Variants in NIPAL2 observed in about 807,000 individuals in gnomAD.
NIPAL2 encodes the protein NIPA-like protein 2.
A neutral mutation model predicts 48.9 loss-of-function variants in NIPAL2; 43 were observed. The observed-to-expected ratio is 0.88, with a 90% CI of 0.69 to 1.13. NIPAL2 has a LOEUF of 1.13. Among genes scored for constraint, NIPAL2 ranks in the 50% most tolerant of loss-of-function variants. The probability of loss-of-function intolerance (pLI) is 0.00; values close to 1 mark genes in which losing one functional copy is unlikely to be tolerated. For missense variants in NIPAL2, 446 were observed against 461.4 expected (o/e 0.97, Z 0.31); for synonymous variants, 167 against 174.6 (o/e 0.96, Z 0.34).
At chr8:98,221,390 A>C (rs1292071429) in intron 5 of NIPAL2, among the ~76,000 whole-genome samples, 1 of 151,494 alleles carries the variant, frequency 6.6e-6, no homozygotes, top group Admixed American at 6.6e-5. Flanking sequence ...AAATCACTTT[A>C]ATCTTTTTCA....
chr8:98,215,064 T>A (rs999369159), intron 5 of NIPAL2, among the ~76,000 whole-genome samples: 8 of 152,236 alleles, frequency 5.3e-5, no homozygotes, highest in Admixed American at 6.5e-5. Context: ...TTTGGGCCGC[T>A]GTATTTGTTG....
intron 1 of NIPAL2, among the ~76,000 whole-genome samples, chr8:98,292,618 C>T (rs538955741): frequency 6.6e-6 from 1 of 152,202 alleles, no homozygotes; most frequent in Non-Finnish European, 1.5e-5. Flanking sequence ...ATCAGACAGC[C>T]AAGACAATCA....
chr8:98,212,089 A>G (rs781509552), intron 6 of NIPAL2, among the ~76,000 whole-genome samples: 28 of 152,214 alleles, frequency 1.8e-4, no homozygotes, highest in Non-Finnish European at 3.8e-4. Flanking sequence ...TTTAATTGGG[A>G]TCATTAATTT....
chr8:98,288,649 T>C (rs1446484656), intron 1 of NIPAL2, among the ~76,000 whole-genome samples: 2 of 151,036 alleles, frequency 1.3e-5, no homozygotes, highest in Non-Finnish European at 3.0e-5. Context: ...TAGTTTACAG[T>C]CCCACCAACA....
chr8:98,194,229 G>C (rs1335667147), intron 10 of NIPAL2, among the ~76,000 whole-genome samples: 2 of 152,200 alleles, frequency 1.3e-5, no homozygotes, highest in African/African-American at 4.8e-5. Context: ...GTGAGAGTGA[G>C]AACGGGAAAG....
intron 1 of NIPAL2, among the ~76,000 whole-genome samples, chr8:98,280,942 G>C (rs1181489231): frequency 1.3e-5 from 2 of 151,400 alleles, no homozygotes; most frequent in East Asian, 1.9e-4. Context: ...TCCTTTGCAG[G>C]CTCAGTGAAA....
intron 6 of NIPAL2, among the ~76,000 whole-genome samples, chr8:98,211,896 C>G (rs531070186): frequency 6.6e-6 from 1 of 152,078 alleles, no homozygotes; most frequent in South Asian, 2.1e-4. Flanking sequence ...CACTCATTTT[C>G]AACTCTAACA....
intron 5 of NIPAL2, among the ~76,000 whole-genome samples, chr8:98,214,416 G>A (rs1355855295): frequency 1.3e-5 from 2 of 151,992 alleles, no homozygotes; most frequent in South Asian, 2.1e-4. Context: ...CACCTGCCTC[G>A]GCCTCCCAAA....
rs571705084 is a variant in NIPAL2 at position 98,221,875 on chromosome 8, G to C, written c.558+604C>G. ...TTCAACCGTTGTGGAAGACAGTGTG[G>C]CGATTCCTCAAGGATCTAGAACTAG... On this transcript the variant is annotated intron_variant, in intron 5 of 10. Coordinates refer to ENST00000430223, the MANE Select transcript of NIPAL2 (RefSeq NM_001321635.2). Among the ~76,000 whole-genome samples the C allele has an allele frequency of 4.6e-5, 7 of 152,308 alleles. No homozygotes were observed. In the East Asian group the frequency reaches 1.3e-3, roughly 29 times the overall value.
At chr8:98,284,226 C>A (rs1167436749) in intron 1 of NIPAL2, among the ~76,000 whole-genome samples, 3 of 152,180 alleles carry the variant, frequency 2.0e-5, no homozygotes, top group Non-Finnish European at 2.9e-5. Context: ...ACTCCAGCGG[C>A]CATATCCAAA....
chr8:98,239,859 A>G (rs1812897684), intron 3 of NIPAL2, among the ~76,000 whole-genome samples: 2 of 152,252 alleles, frequency 1.3e-5, no homozygotes, highest in Non-Finnish European at 2.9e-5. Context: ...GCAACAGCTA[A>G]TAACATGACT....
At position 98,217,044 on chromosome 8, in the gene NIPAL2, T is replaced by A. The variant is rs924721860; in HGVS notation, c.559-4543A>T. 8 of 985,218 alleles carry A rather than the reference T, an allele frequency of 8.1e-6. No individual in the cohort carries two copies. The African/African-American group carries it at 1.2e-4, about 15-fold the overall frequency. 61.0% of individuals were successfully genotyped at this position (985,218 alleles called of 1,614,324 possible). ...TTATGCAGAATCTTTCTCACCTAGTTTGACCTTGAAAACTCCACTCCTCTT... is the reference window on the plus strand; with the variant it reads ...TTATGCAGAATCTTTCTCACCTAGTATGACCTTGAAAACTCCACTCCTCTT... On this transcript the variant is annotated intron_variant, in intron 5 of 10. Transcript: ENST00000430223.
rs1811953464 is a variant in NIPAL2, at chr8:98,222,576, G to A, written c.461C>T (p.Thr154Ile). Reference sequence around the variant, plus strand: ...TGGAGCAAAGTTCACCAGTAAATATGTTCCTGCAAATGCCAGTGTCGTACC... The same window carrying A: ...TGGAGCAAAGTTCACCAGTAAATATATTCCTGCAAATGCCAGTGTCGTACC... ...LLGTTLAFAG[T>I]YLLVNFAPNI... Residue 154 changes from threonine (T) to isoleucine (I), a missense_variant, in exon 5 of 11, where the codon ACA becomes ATA. Physicochemically the swap from Thr to Ile is moderately conservative, Grantham distance 89. Coordinates refer to ENST00000430223, the MANE Select transcript of NIPAL2 (RefSeq NM_001321635.2). 1 of 1,613,914 alleles carries A rather than the reference G, an allele frequency of 6.2e-7. No individual in the cohort carries two copies. The highest frequency in any genetic ancestry group is 8.5e-7 in the Non-Finnish European group (1 of 1,179,926).
intron 4 of NIPAL2, among the ~76,000 whole-genome samples, chr8:98,235,358 A>C (rs181318616): frequency 6.6e-6 from 1 of 152,258 alleles, no homozygotes; most frequent in African/African-American, 2.4e-5. Flanking sequence ...TGGCTTTGCC[A>C]TACATCAGAA....
intron 1 of NIPAL2, among the ~76,000 whole-genome samples, chr8:98,292,918 G>A (rs1816567760): frequency 6.6e-6 from 1 of 152,084 alleles, no homozygotes; most frequent in Non-Finnish European, 1.5e-5. Context: ...AAGAGGCTCT[G>A]AGTACCCTCA....
chr8:98,264,087 T>G (rs945000810), intron 1 of NIPAL2, among the ~76,000 whole-genome samples: 1 of 152,066 alleles, frequency 6.6e-6, no homozygotes, highest in Admixed American at 6.6e-5. Flanking sequence ...ACAACCCTTA[T>G]GCTAAAAACT....
intron 1 of NIPAL2, among the ~76,000 whole-genome samples, chr8:98,262,743 C>A (rs2130856528): frequency 6.6e-6 from 1 of 151,120 alleles, no homozygotes; most frequent in South Asian, 2.1e-4. Context: ...AACAAGGATA[C>A]CCAGGAATTG....
chr8:98,207,118 C>G (rs1283586420), intron 6 of NIPAL2, among the ~76,000 whole-genome samples: 1 of 152,176 alleles, frequency 6.6e-6, no homozygotes, highest in East Asian at 1.9e-4. Flanking sequence ...AGCCAGGTTT[C>G]CCAACGGGAC....
Position 98,294,045 on chromosome 8 carries a change from G to A in NIPAL2, c.93C>T (p.Ala31=). 5 of 1,498,628 alleles carry A rather than the reference G, an allele frequency of 3.3e-6. No individual in the cohort carries two copies. The highest frequency in any genetic ancestry group is 4.4e-6 in the Non-Finnish European group (5 of 1,124,176). The allele number at this position is 1,498,628 out of a possible 1,614,324, so 92.8% of individuals were successfully genotyped here. A position where few individuals can be genotyped will look rare whatever the true frequency, so the allele number is the denominator to read the frequency against. The change falls in exon 1 of 11, where the codon GCC becomes GCT. Residue 31 remains alanine (A), a synonymous_variant. Coordinates refer to ENST00000430223, the MANE Select transcript of NIPAL2 (RefSeq NM_001321635.2). ...SLNFTYGAPG[A]GNGSLSGDWY... ...AGTCGCCCGAGAGGGAGCCGTTGCC[G>A]GCGCCTGGTGCCCCGTACGTGAAAT...
Sources: gnomAD v4.1 joint callset for allele counts (sites outside exome capture counted in the v4.1 genomes callset) on GRCh38, gnomAD v4.1.1 for gene constraint, MANE v1.5 for transcripts, NCBI Gene and HGNC (gene_info 2026-07-23, HGNC 2026-07-21) for gene names.